RAB11FIP4: variants seen among roughly 807,000 people sequenced by gnomAD.
RAB11FIP4 encodes RAB11 family interacting protein 4, also known as rab11 family-interacting protein 4.
RAB11FIP4 carries 23 observed loss-of-function variants against 74.3 expected under a neutral mutation model. That is an observed-to-expected ratio of 0.31 (90% CI 0.22 to 0.44). The LOEUF is 0.44. RAB11FIP4 is among the 20% of genes least tolerant of loss of function. The pLI is 1.00. For synonymous variants in RAB11FIP4, 360 were observed against 359.9 expected, an observed-to-expected ratio of 1.00 and a Z score of 0.00; for missense variants, 630 against 863.9, an observed-to-expected ratio of 0.73 and a Z score of 3.39.
intron 1 of RAB11FIP4, among the ~76,000 whole-genome samples, chr17:31,430,904 G>A (rs2071303762): frequency 6.6e-6 from 1 of 152,148 alleles, no homozygotes; most frequent in African/African-American, 2.4e-5. Flanking sequence ...TGGCAGGAAG[G>A]GAGGGAGGAC....
At chr17:31,527,137 T>A (rs1377419614) in intron 10 of RAB11FIP4, 3 of 152,206 alleles carry the variant, frequency 2.0e-5, no homozygotes, top group African/African-American at 7.2e-5. Context: ...AAAGCCAATA[T>A]GATCATTGCC....
chr17:31,414,324 T>C (rs543699430), intron 1 of RAB11FIP4, among the ~76,000 whole-genome samples: 1 of 152,362 alleles, frequency 6.6e-6, no homozygotes, highest in Admixed American at 6.5e-5. Context: ...GTTCCTTCCC[T>C]GGGAGCTTCC....
chr17:31,453,314 C>T (rs751407280), intron 3 of RAB11FIP4, among the ~76,000 whole-genome samples: 33 of 138,630 alleles, frequency 2.4e-4, no homozygotes, highest in Non-Finnish European at 4.4e-4. Context: ...TATTATCACA[C>T]GACTGCACTC....
chr17:31,458,241 C>T (rs559145085), intron 3 of RAB11FIP4, among the ~76,000 whole-genome samples: 4 of 152,296 alleles, frequency 2.6e-5, no homozygotes, highest in South Asian at 2.1e-4. Flanking sequence ...CCAGGCCTCT[C>T]CTCACTCCCT....
At chr17:31,478,916 T>C (rs1334346257) in intron 3 of RAB11FIP4, among the ~76,000 whole-genome samples, 1 of 152,188 alleles carries the variant, frequency 6.6e-6, no homozygotes, top group Non-Finnish European at 1.5e-5. Context: ...CTTTAATTGC[T>C]CATGGTCTTC....
At chr17:31,455,242 G>A (rs1329281166) in intron 3 of RAB11FIP4, among the ~76,000 whole-genome samples, 4 of 152,166 alleles carry the variant, frequency 2.6e-5, no homozygotes, top group Admixed American at 1.3e-4. Context: ...AGGAAGAGGG[G>A]GATTTGGGCT....
intron 3 of RAB11FIP4, among the ~76,000 whole-genome samples, chr17:31,504,845 C>G (rs1193489626): frequency 6.6e-6 from 1 of 152,146 alleles, no homozygotes; most frequent in Non-Finnish European, 1.5e-5. Flanking sequence ...CTCAGTTAAT[C>G]TAGAACAGTG....
At chr17:31,392,673 T>C (rs1005205447) in intron 1 of RAB11FIP4, 5 of 152,258 alleles carry the variant, frequency 3.3e-5, no homozygotes, top group Non-Finnish European at 7.3e-5. Context: ...CCGCATCTAT[T>C]TGGGGAAAGC....
At position 31,521,276 on chromosome 17, in the gene RAB11FIP4, T is replaced by C; in HGVS notation, c.674T>C (p.Val225Ala). ...GAAGACTATGGGGAGGGTGACGATG[T>C]GGACTGTGCCCCCAGCAGCCCTTGC... is the stretch of plus-strand genomic sequence containing the variant. ...QFEDYGEGDDVDCAPSSPCPD... is the reference protein window; with the variant it reads ...QFEDYGEGDDADCAPSSPCPD... Residue 225 changes from valine (V) to alanine (A), a missense_variant, in exon 5 of 15, where the codon GTG (valine) becomes GCG (alanine). Coordinates refer to ENST00000621161, the MANE Select transcript of RAB11FIP4 (RefSeq NM_032932.6). 6.2e-7 allele frequency: 1 copy of C among 1,614,144 alleles called. No individual in the cohort carries two copies. Among genetic ancestry groups the C allele is most frequent in the Non-Finnish European group, 8.5e-7 (1 of 1,179,978 alleles).
chr17:31,492,488 G>A (rs1193715174), intron 3 of RAB11FIP4, among the ~76,000 whole-genome samples: 2 of 152,094 alleles, frequency 1.3e-5, no homozygotes, highest in Non-Finnish European at 2.9e-5. Context: ...ACCTCTCCTG[G>A]CCAGCACATG....
At chr17:31,483,487 T>G (rs893256980) in intron 3 of RAB11FIP4, among the ~76,000 whole-genome samples, 2 of 152,208 alleles carry the variant, frequency 1.3e-5, no homozygotes, top group Admixed American at 1.3e-4. Context: ...TAAATATTTT[T>G]AAAGCCATAG....
intron 3 of RAB11FIP4, among the ~76,000 whole-genome samples, chr17:31,446,746 C>T (rs903846079): frequency 5.9e-5 from 9 of 152,062 alleles, no homozygotes; most frequent in South Asian, 2.1e-4. Context: ...TACCTGTGCC[C>T]GAGGGAGATA....
At chr17:31,472,878 C>T (rs1331608072) in intron 3 of RAB11FIP4, among the ~76,000 whole-genome samples, 2 of 151,468 alleles carry the variant, frequency 1.3e-5, no homozygotes, top group South Asian at 4.2e-4. Flanking sequence ...ACTAAAAATA[C>T]GAAAATTAGC....
Position 31,536,691 on chromosome 17 carries a change from C to T in RAB11FIP4, c.*4959C>T, listed in dbSNP as rs2072969803. ...CTAGGGACCTGCCAGGTCCTCACTTCCTGCCCTGGGTGCACACATGAATGG... is the reference window on the plus strand; with the variant it reads ...CTAGGGACCTGCCAGGTCCTCACTTTCTGCCCTGGGTGCACACATGAATGG... On this transcript the variant is annotated 3_prime_UTR_variant, in exon 15 of 15. Transcript: ENST00000621161. 1 of 295,494 alleles carries T rather than the reference C, an allele frequency of 3.4e-6. No homozygotes were observed. The highest frequency in any genetic ancestry group is 5.1e-5 in the Admixed American group (1 of 19,482). 18.3% of individuals were successfully genotyped at this position (295,494 alleles called of 1,614,324 possible).
At chr17:31,481,770 C>T (rs570346365) in intron 3 of RAB11FIP4, among the ~76,000 whole-genome samples, 9 of 152,192 alleles carry the variant, frequency 5.9e-5, no homozygotes, top group Admixed American at 1.3e-4. Context: ...TTCCCCCTTT[C>T]GTTGAGCTTG....
chr17:31,484,573 C>G (rs1377730249), intron 3 of RAB11FIP4, among the ~76,000 whole-genome samples: 1 of 152,018 alleles, frequency 6.6e-6, no homozygotes, highest in Non-Finnish European at 1.5e-5. Context: ...CCCTCAGATC[C>G]CATATTCATC....
intron 3 of RAB11FIP4, among the ~76,000 whole-genome samples, chr17:31,457,696 C>A (rs183970727): frequency 2.0e-5 from 3 of 151,826 alleles, no homozygotes; most frequent in Non-Finnish European, 2.9e-5. Flanking sequence ...ACCACCCTCA[C>A]CCCCAGCCCC....
chr17:31,411,751 C>G (rs2071098494), intron 1 of RAB11FIP4, among the ~76,000 whole-genome samples: 1 of 152,258 alleles, frequency 6.6e-6, no homozygotes, highest in African/African-American at 2.4e-5. Context: ...CAAGACCTCC[C>G]CTGTGGCCCT....
In RAB11FIP4 at chr17:31,394,032, T is replaced by C. The variant is rs117978222; in HGVS notation, c.159+2021T>C. Among the ~76,000 whole-genome samples, 355 of 152,202 alleles carry C rather than the reference T, an allele frequency of 2.3e-3. 6 individuals carry two copies. The East Asian group carries it at 0.051, about 22-fold the overall frequency. On this transcript the variant is annotated intron_variant, in intron 1 of 14. Transcript: ENST00000621161. The stretch of plus-strand genomic sequence containing the variant: ...GGCCACCGAAACCTCCAGGGATCTG[T>C]TTTAGAAACCTCTGCCAAGCCAGGG...
Sources: gnomAD v4.1 joint callset for allele counts (sites outside exome capture counted in the v4.1 genomes callset) on GRCh38, gnomAD v4.1.1 for gene constraint, MANE v1.5 for transcripts, NCBI Gene and HGNC (gene_info 2026-07-23, HGNC 2026-07-21) for gene names.